The following KCNH7 variants were observed in gnomAD, a reference collection of about 807,000 sequenced individuals.
KCNH7 encodes the protein voltage-gated inwardly rectifying potassium channel KCNH7.
A neutral mutation model predicts 120.8 loss-of-function variants in KCNH7; 49 were observed. The observed-to-expected ratio is 0.41, with a 90% CI of 0.32 to 0.51. The LOEUF is 0.51. Among genes scored for constraint, KCNH7 ranks in the 20% least tolerant of loss-of-function variants. The probability of loss-of-function intolerance (pLI) is 0.38; values close to 1 mark genes in which losing one functional copy is unlikely to be tolerated. For missense variants in KCNH7, 1,097 were observed against 1,446.6 expected, an observed-to-expected ratio of 0.76 and a Z score of 3.92; for synonymous variants, 547 against 516.1, an observed-to-expected ratio of 1.06 and a Z score of -0.81.
chr2:162,723,317 C>T (rs186411293), intron 2 of KCNH7, among the ~76,000 whole-genome samples: 199 of 152,158 alleles, frequency 1.3e-3, no homozygotes, highest in Non-Finnish European at 2.1e-3. Flanking sequence ...CTCCACAGGC[C>T]TCTCAAATCC....
chr2:162,562,971 T>C (rs890817454), intron 2 of KCNH7, among the ~76,000 whole-genome samples: 2 of 152,134 alleles, frequency 1.3e-5, no homozygotes, highest in African/African-American at 4.8e-5. Context: ...AGTTCGAGGA[T>C]GAGGGTAGGA....
At chr2:162,566,375 G>A (rs111961696) in intron 2 of KCNH7, among the ~76,000 whole-genome samples, 24 of 151,796 alleles carry the variant, frequency 1.6e-4, no homozygotes, top group African/African-American at 5.1e-4. Flanking sequence ...TTCAATAAAT[G>A]CTTTGTAACC....
At chr2:162,673,960 T>A (rs952164282) in intron 2 of KCNH7, among the ~76,000 whole-genome samples, 1 of 151,864 alleles carries the variant, frequency 6.6e-6, no homozygotes, top group Non-Finnish European at 1.5e-5. Flanking sequence ...ACTTAACAAT[T>A]TTTTAGTGAT....
intron 6 of KCNH7, among the ~76,000 whole-genome samples, chr2:162,446,951 C>T (rs1284593739): frequency 6.6e-6 from 1 of 151,928 alleles, no homozygotes; most frequent in African/African-American, 2.4e-5. Context: ...TTTAATTAAG[C>T]AGAATTTCCC....
intron 7 of KCNH7, among the ~76,000 whole-genome samples, chr2:162,438,854 G>A (rs901439141): frequency 6.6e-6 from 1 of 152,018 alleles, no homozygotes; most frequent in Admixed American, 6.6e-5. Context: ...AAAACTTAAG[G>A]TGTCTTGCCC....
chr2:162,833,651 A>T (rs1685554243), intron 2 of KCNH7, among the ~76,000 whole-genome samples: 1 of 152,200 alleles, frequency 6.6e-6, no homozygotes, highest in Non-Finnish European at 1.5e-5. Context: ...CAGCAAGTTT[A>T]ATTGTGCCTA....
At chr2:162,683,718 C>T (rs1247919650) in intron 2 of KCNH7, among the ~76,000 whole-genome samples, 1 of 151,606 alleles carries the variant, frequency 6.6e-6, no homozygotes, top group East Asian at 1.9e-4. Context: ...TTGTTGGGTG[C>T]CTGGAAAATT....
At chr2:162,434,793 AT>A (rs1688184226) in intron 8 of KCNH7, among the ~76,000 whole-genome samples, 1 of 151,956 alleles carries the variant, frequency 6.6e-6, no homozygotes. Context: ...TATGGTTAAC[AT>A]TTTTTATGTT....
At chr2:162,519,909 C>G (rs1001847480) in intron 3 of KCNH7, among the ~76,000 whole-genome samples, 5 of 151,756 alleles carry the variant, frequency 3.3e-5, no homozygotes, top group Admixed American at 6.6e-5. Context: ...GAAGAACACT[C>G]TCAAAACTCA....
At chr2:162,829,228 A>T (rs972809129) in intron 2 of KCNH7, among the ~76,000 whole-genome samples, 5 of 152,172 alleles carry the variant, frequency 3.3e-5, no homozygotes, top group African/African-American at 1.2e-4. Context: ...GTAGTTCAGT[A>T]CTATTGCTAA....
Position 162,767,750 on chromosome 2 carries a change from A to G in KCNH7, c.307+68787T>C, listed in dbSNP as rs529915308. 2.9e-4 allele frequency among the ~76,000 whole-genome samples: 44 copies of G among 152,148 alleles called. No homozygotes were observed. In the South Asian group the frequency reaches 5.2e-3, roughly 18 times the overall value. On this transcript the variant is annotated intron_variant, in intron 2 of 15. Coordinates refer to ENST00000332142, the MANE Select transcript of KCNH7 (RefSeq NM_033272.4). The stretch of plus-strand genomic sequence containing the variant: ...CTGTATATTCATGGGTGAATACTTC[A>G]TAGTCTTTTTAATGAAAGTATTAAA...
At chr2:162,571,980 G>A (rs1216454805) in intron 2 of KCNH7, among the ~76,000 whole-genome samples, 2 of 151,052 alleles carry the variant, frequency 1.3e-5, no homozygotes, top group Admixed American at 6.6e-5. Context: ...CAGGACATAC[G>A]CATGGGCAAG....
At chr2:162,456,713 A>T (rs1293512892) in intron 6 of KCNH7, among the ~76,000 whole-genome samples, 1 of 152,070 alleles carries the variant, frequency 6.6e-6, no homozygotes, top group Non-Finnish European at 1.5e-5. Flanking sequence ...TATATTTAGG[A>T]TAGTTAGGTC....
At chr2:162,536,183 A>G (rs1318390048) in intron 3 of KCNH7, among the ~76,000 whole-genome samples, 1 of 151,944 alleles carries the variant, frequency 6.6e-6, no homozygotes, top group Non-Finnish European at 1.5e-5. Context: ...AACCCTTTAA[A>G]TAACAAAAAT....
At chr2:162,488,207 C>T (rs984149180) in intron 6 of KCNH7, among the ~76,000 whole-genome samples, 1 of 152,210 alleles carries the variant, frequency 6.6e-6, no homozygotes, top group African/African-American at 2.4e-5. Context: ...AGGCTATTAC[C>T]AGGTACTCAA....
chr2:162,385,006 A>G, intron 12 of KCNH7, 67 bp from the exon 13 acceptor site: 1 of 1,245,932 alleles, frequency 8.0e-7, no homozygotes, highest in East Asian at 2.4e-5. Flanking sequence ...CGGTATGCAT[A>G]TTACACTACC....
chr2:162,744,902 G>A (rs945561699), intron 2 of KCNH7, among the ~76,000 whole-genome samples: 1 of 152,108 alleles, frequency 6.6e-6, no homozygotes, highest in Non-Finnish European at 1.5e-5. Flanking sequence ...ACTCTAACCT[G>A]TGATTCCAGA....
chr2:162,392,657 C>G (rs1000396569), intron 12 of KCNH7, among the ~76,000 whole-genome samples: 1 of 151,864 alleles, frequency 6.6e-6, no homozygotes, highest in East Asian at 1.9e-4. Flanking sequence ...GATCTAGAGG[C>G]AGACAACATT....
Position 162,764,900 on chromosome 2 carries a change from G to A in KCNH7, c.307+71637C>T, listed in dbSNP as rs1169323649. On this transcript the variant is annotated intron_variant, in intron 2 of 15. Transcript: ENST00000332142. ...AAGAGAGCTCAGCCAACATATTTTG[G>A]TTAGCCAACATAATTTTTTAAAGCT... Among the ~76,000 whole-genome samples the A allele has an allele frequency of 5.3e-5, 8 of 151,996 alleles. No homozygotes were observed. The East Asian group carries it at 1.2e-3, about 22-fold the overall frequency.
Sources: gnomAD v4.1 joint callset for allele counts (sites outside exome capture counted in the v4.1 genomes callset) on GRCh38, gnomAD v4.1.1 for gene constraint, MANE v1.5 for transcripts, NCBI Gene and HGNC (gene_info 2026-07-23, HGNC 2026-07-21) for gene names.